AKAP7: variants seen among roughly 807,000 people sequenced by gnomAD.
AKAP7 encodes A kinase (PRKA) anchor protein 7.
In AKAP7, 39 loss-of-function variants were observed where a neutral mutation model predicts 39.5. The observed-to-expected ratio is 0.99, with a 90% CI of 0.76 to 1.29. AKAP7 has a LOEUF of 1.29. Ranked by LOEUF, AKAP7 falls within the 50% of genes most tolerant of loss-of-function variation. AKAP7 has a pLI of 0.00. For missense variants in AKAP7, 414 were observed against 407.7 expected, an observed-to-expected ratio of 1.02 and a Z score of -0.13; for synonymous variants, 140 against 139.1, an observed-to-expected ratio of 1.01 and a Z score of -0.05.
chr6:131,276,534 A>G (rs146518268), intron 7 of AKAP7, among the ~76,000 whole-genome samples: 2 of 152,232 alleles, frequency 1.3e-5, no homozygotes, highest in East Asian at 3.9e-4. Flanking sequence ...TTAGATGGAC[A>G]AAAGAAAAGG....
chr6:131,255,945 G>C (rs1005598398), intron 7 of AKAP7, among the ~76,000 whole-genome samples: 2 of 152,122 alleles, frequency 1.3e-5, no homozygotes, highest in African/African-American at 4.8e-5. Flanking sequence ...CAAGTACTAT[G>C]CTAGGATTAT....
chr6:131,165,296 A>G (rs1033941626), intron 4 of AKAP7, 79 bp downstream of exon 4: 13 of 1,079,968 alleles, frequency 1.2e-5, no homozygotes, highest in Non-Finnish European at 1.7e-5. Context: ...ACCCAAAGAG[A>G]CATTCTAAAT....
intron 5 of AKAP7, chr6:131,185,273 C>T (rs1056277756): frequency 3.0e-5 from 14 of 467,828 alleles, no homozygotes; most frequent in Admixed American, 6.0e-5. Context: ...GGGCAGGGTA[C>T]GAGTAGTTGT....
chr6:131,267,781 G>C (rs1383664764), intron 7 of AKAP7, among the ~76,000 whole-genome samples: 1 of 152,150 alleles, frequency 6.6e-6, no homozygotes, highest in Non-Finnish European at 1.5e-5. Flanking sequence ...TTTTCCCCTA[G>C]ACGGAATTCA....
chr6:131,210,097 T>G (rs1381440988), intron 6 of AKAP7, among the ~76,000 whole-genome samples: 11 of 152,356 alleles, frequency 7.2e-5, no homozygotes, highest in Admixed American at 7.2e-4. Flanking sequence ...AGCTGTATTC[T>G]TCTTGAGGGA....
At chr6:131,143,680 G>GT (rs1464541037) in intron 1 of AKAP7, among the ~76,000 whole-genome samples, 2 of 151,348 alleles carry the variant, frequency 1.3e-5, no homozygotes, top group East Asian at 3.9e-4. Flanking sequence ...AAAAATGTGT[G>GT]TTTTTTGGCT....
chr6:131,126,071 G>A, the AKAP7 span, among the ~76,000 whole-genome samples: 1 of 152,042 alleles, frequency 6.6e-6, no homozygotes, highest in Admixed American at 6.6e-5. Context: ...CTCTCCAATT[G>A]GCATTGTGTT....
intron 2 of AKAP7, among the ~76,000 whole-genome samples, chr6:131,151,684 T>G (rs1367068184): frequency 1.3e-5 from 2 of 152,126 alleles, no homozygotes; most frequent in African/African-American, 2.4e-5. Context: ...TAATGGAGGT[T>G]GCAGTGAGTC....
chr6:131,177,023 T>A (rs1804650388), intron 5 of AKAP7, among the ~76,000 whole-genome samples: 1 of 152,192 alleles, frequency 6.6e-6, no homozygotes, highest in Non-Finnish European at 1.5e-5. Context: ...TGCATATGCC[T>A]CCAAGCACAC....
intron 7 of AKAP7, among the ~76,000 whole-genome samples, chr6:131,242,349 A>G (rs1015549729): frequency 6.6e-6 from 1 of 152,158 alleles, no homozygotes; most frequent in Non-Finnish European, 1.5e-5. Context: ...GTCTTAGTAT[A>G]ATAAGGTTTA....
At chr6:131,195,899 T>C (rs1363055186) in intron 5 of AKAP7, among the ~76,000 whole-genome samples, 1 of 152,196 alleles carries the variant, frequency 6.6e-6, no homozygotes, top group East Asian at 1.9e-4. Context: ...TTTGGGCGTT[T>C]GATTATTAAA....
intron 4 of AKAP7, among the ~76,000 whole-genome samples, chr6:131,166,789 T>G (rs1803542478): frequency 6.6e-6 from 1 of 152,200 alleles, no homozygotes; most frequent in African/African-American, 2.4e-5. Flanking sequence ...AACAATTTAT[T>G]AAAAGTCTCT....
At chr6:131,153,304 C>A (rs1300505210) in intron 2 of AKAP7, among the ~76,000 whole-genome samples, 1 of 152,152 alleles carries the variant, frequency 6.6e-6, no homozygotes, top group Non-Finnish European at 1.5e-5. Flanking sequence ...TTTAAAACTA[C>A]ACACTGTCTG....
chr6:131,139,102 A>G (rs1265860440), intron 1 of AKAP7, among the ~76,000 whole-genome samples: 1 of 152,354 alleles, frequency 6.6e-6, no homozygotes, highest in East Asian at 1.9e-4. Context: ...CTTCTATAAG[A>G]GAAAGTGTAG....
At chr6:131,192,366 C>G (rs1806498757) in intron 5 of AKAP7, among the ~76,000 whole-genome samples, 1 of 152,140 alleles carries the variant, frequency 6.6e-6, no homozygotes, top group African/African-American at 2.4e-5. Flanking sequence ...ATTGTATGCT[C>G]TTGGCACCTT....
intron 1 of AKAP7, among the ~76,000 whole-genome samples, chr6:131,143,028 C>A (rs546603520): frequency 1.3e-5 from 2 of 152,300 alleles, no homozygotes; most frequent in East Asian, 3.9e-4. Context: ...TTACACAATA[C>A]CTGTACCACC....
intron 7 of AKAP7, among the ~76,000 whole-genome samples, chr6:131,270,092 T>C (rs561880614): frequency 1.3e-5 from 2 of 152,182 alleles, no homozygotes; most frequent in Non-Finnish European, 2.9e-5. Flanking sequence ...TTGTTTTTCA[T>C]TGAGGTATAA....
chr6:131,252,897 A>C (rs1287229193), intron 7 of AKAP7: 2 of 793,814 alleles, frequency 2.5e-6, no homozygotes, highest in Non-Finnish European at 4.1e-6. Flanking sequence ...AGAGCACAAA[A>C]ATGTGAATAC....
intron 2 of AKAP7, among the ~76,000 whole-genome samples, chr6:131,159,586 A>G (rs547716617): frequency 6.6e-6 from 1 of 152,348 alleles, no homozygotes; most frequent in African/African-American, 2.4e-5. Context: ...TTTTGCAACA[A>G]ATAGTTTATA....
Sources: gnomAD v4.1 joint callset for allele counts (sites outside exome capture counted in the v4.1 genomes callset) on GRCh38, gnomAD v4.1.1 for gene constraint, MANE v1.5 for transcripts, NCBI Gene and HGNC (gene_info 2026-07-23, HGNC 2026-07-21) for gene names.